The following UBE3B variants were observed in gnomAD, a reference collection of about 807,000 sequenced individuals.
UBE3B encodes ubiquitin-protein ligase E3B.
UBE3B carries 80 observed loss-of-function variants against 132.3 expected under a neutral mutation model. The observed-to-expected ratio is 0.60, with a 90% confidence interval of 0.50 to 0.73. UBE3B has a LOEUF of 0.73. UBE3B is among the 30% of genes least tolerant of loss of function. UBE3B has a pLI of 0.00. For synonymous variants in UBE3B, 487 were observed against 520.4 expected, an observed-to-expected ratio of 0.94 and a Z score of 0.87; for missense variants, 1,196 against 1,362.5, an observed-to-expected ratio of 0.88 and a Z score of 1.92.
At chr12:109,544,491 C>T in the UBE3B span, among the ~76,000 whole-genome samples, 27 of 152,198 alleles carry the variant, frequency 1.8e-4, no homozygotes, top group African/African-American at 6.5e-4. Flanking sequence ...GCCAAATCAA[C>T]TGTCAAAACC....
chr12:109,487,087 C>T (rs771201416), intron 6 of UBE3B, among the ~76,000 whole-genome samples: 1 of 152,092 alleles, frequency 6.6e-6, no homozygotes, highest in South Asian at 2.1e-4. Context: ...ATCATGGCAA[C>T]GAGCAGTTTT....
rs187552571 is a variant in UBE3B at position 109,524,040 on chromosome 12, C to T, written c.2427C>T (p.His809=). The T allele has an allele frequency of 6.2e-7, 1 of 1,614,222 alleles. No individual in the cohort carries two copies. The highest frequency in any genetic ancestry group is 2.2e-5 in the East Asian group (1 of 44,878). The change falls in exon 22 of 28, where the codon CAC becomes CAT. Residue 809 remains histidine (H), a synonymous_variant. Coordinates refer to ENST00000342494, the MANE Select transcript of UBE3B (RefSeq NM_130466.4). ...TGAGCCAACTGCTTGGGCACCACCA[C>T]AGCGTCTTCTATAGCTCGGTGGATG... ...FFLSQLLGHH[H]SVFYSSVDEL...
chr12:109,508,531 G>T (rs1274644843), intron 15 of UBE3B: 22 of 985,340 alleles, frequency 2.2e-5, no homozygotes, highest in Non-Finnish European at 2.4e-5. Flanking sequence ...TTCCCAAAAG[G>T]TTGGTGAAGA....
At chr12:109,504,292 TCA>T (rs1879373726) in intron 14 of UBE3B, among the ~76,000 whole-genome samples, 1 of 152,340 alleles carries the variant, frequency 6.6e-6, no homozygotes, top group Admixed American at 6.5e-5. Context: ...AAACATATCT[TCA>T]AATTTGGCAT....
At chr12:109,543,745 A>G in the UBE3B span, among the ~76,000 whole-genome samples, 447 of 152,296 alleles carry the variant, frequency 2.9e-3, 20 homozygotes, top group East Asian at 0.055. Flanking sequence ...AGGCAGGAGA[A>G]TCACTTGAAC....
downstream of UBE3B, among the ~76,000 whole-genome samples, chr12:109,537,628 C>T (rs1412575318): frequency 6.6e-6 from 1 of 152,220 alleles, no homozygotes; most frequent in African/African-American, 2.4e-5. Context: ...CCTGCCTCCC[C>T]AAAACACACA....
intron 18 of UBE3B, among the ~76,000 whole-genome samples, chr12:109,515,616 G>A (rs1880941700): frequency 6.6e-6 from 1 of 152,148 alleles, no homozygotes. Context: ...TGATCCACCT[G>A]CCTCGGCCTC....
At chr12:109,489,136 C>T (rs1876992241) in intron 7 of UBE3B, among the ~76,000 whole-genome samples, 1 of 152,228 alleles carries the variant, frequency 6.6e-6, no homozygotes, top group Non-Finnish European at 1.5e-5. Flanking sequence ...CCAGATGCCT[C>T]TAGGCGCTGA....
Position 109,503,034 on chromosome 12 carries a change from C to CCAG in UBE3B, c.1294_1295insCAG (p.Arg432delinsProGly). 3 of 1,614,124 alleles carry CCAG rather than the reference C, an allele frequency of 1.9e-6. No individual in the cohort carries two copies. Among genetic ancestry groups the CCAG allele is most frequent in the Non-Finnish European group, 2.5e-6 (3 of 1,180,010 alleles). On this transcript the variant is annotated protein_altering_variant, in exon 14 of 28. Transcript: ENST00000342494. ...TTTCTCCATGCCAGGTCTCCTAAAG[C>CCAG]GTGCTTTTCAAAAGTCGGCATCAGT...
intron 21 of UBE3B, among the ~76,000 whole-genome samples, chr12:109,523,247 C>T (rs1210537765): frequency 2.0e-5 from 3 of 152,344 alleles, no homozygotes; most frequent in Admixed American, 6.5e-5. Context: ...CACAGTCTGT[C>T]GGCGTTTTCC....
At chr12:109,544,045 G>C in the UBE3B span, among the ~76,000 whole-genome samples, 1 of 152,160 alleles carries the variant, frequency 6.6e-6, no homozygotes, top group Admixed American at 6.5e-5. Context: ...TCAGACTGCA[G>C]GGTGTGTTTG....
At chr12:109,480,888 C>G (rs970821695) in intron 1 of UBE3B, among the ~76,000 whole-genome samples, 3 of 152,148 alleles carry the variant, frequency 2.0e-5, no homozygotes, top group Non-Finnish European at 4.4e-5. Flanking sequence ...AGTTTTGTAT[C>G]TGTGTGTGTG....
chr12:109,486,556 A>C lies in UBE3B; in HGVS notation c.428A>C (p.Asp143Ala). The change falls in exon 6 of 28, where the codon GAT becomes GCT. Residue 143 changes from aspartate (D) to alanine (A), a missense_variant. Coordinates refer to ENST00000342494, the MANE Select transcript of UBE3B (RefSeq NM_130466.4). ...QIKNILWYCCDFLKQLKPEIL... is the reference protein window; with the variant it reads ...QIKNILWYCCAFLKQLKPEIL... ...AAGAACATTTTGTGGTACTGCTGTGATTTTCTCAAGCAGCTCAAGGTAACA... is the reference window on the plus strand; with the variant it reads ...AAGAACATTTTGTGGTACTGCTGTGCTTTTCTCAAGCAGCTCAAGGTAACA... 1 of 839,786 alleles carries C rather than the reference A, an allele frequency of 1.2e-6. No homozygotes were observed. The highest frequency in any genetic ancestry group is 1.8e-6 in the Non-Finnish European group (1 of 543,146). 52.0% of individuals were successfully genotyped at this position (839,786 alleles called of 1,614,324 possible). A position where few individuals can be genotyped will look rare whatever the true frequency, so the allele number is the denominator to read the frequency against.
chr12:109,542,637 AAGAG>A, the UBE3B span, among the ~76,000 whole-genome samples: 1 of 152,170 alleles, frequency 6.6e-6, no homozygotes, highest in Non-Finnish European at 1.5e-5. Context: ...TCCTTACAGA[AAGAG>A]AGGACTCGGC....
intron 19 of UBE3B, among the ~76,000 whole-genome samples, chr12:109,518,623 C>T (rs1881344026): frequency 6.6e-6 from 1 of 152,210 alleles, no homozygotes; most frequent in Non-Finnish European, 1.5e-5. Context: ...GTGGCCAGCA[C>T]CCACCCATGG....
intron 12 of UBE3B, 137 bp downstream of exon 12, chr12:109,499,947 G>A: frequency 1.3e-6 from 1 of 764,060 alleles, no homozygotes; most frequent in African/African-American, 1.8e-5. Flanking sequence ...TTAATAAATT[G>A]TGAGTAAGAA....
At chr12:109,484,746 AAT>A (rs1466458089) in intron 4 of UBE3B, among the ~76,000 whole-genome samples, 1 of 146,776 alleles carries the variant, frequency 6.8e-6, no homozygotes, top group Non-Finnish European at 1.5e-5. Flanking sequence ...TTTTATGCTC[AAT>A]GTTCGTTCAT....
Position 109,534,449 on chromosome 12 carries a change from A to G in UBE3B, c.3016-142A>G. ...TTGTGTCTGGGGCTTGACCTCGGGT[A>G]GTGGTGCCAGGGCAGCGCCCTGCAC... On this transcript the variant is annotated intron_variant, in intron 27 of 27. Transcript: ENST00000342494. This position sits in a 1 kb window ranked among gnomAD's most constrained non-coding sequence, Gnocchi z 5.2. 3 of 1,434,846 alleles carry G rather than the reference A, an allele frequency of 2.1e-6. No homozygotes were observed. In the South Asian group the frequency reaches 4.6e-5, roughly 22 times the overall value. The allele number at this position is 1,434,846 out of a possible 1,614,324, so 88.9% of individuals were successfully genotyped here.
intron 18 of UBE3B, among the ~76,000 whole-genome samples, chr12:109,515,426 A>G (rs1185904251): frequency 4.6e-5 from 7 of 151,378 alleles, no homozygotes; most frequent in African/African-American, 1.7e-4. Context: ...CTGGAGTGTG[A>G]TGGTACGATC....
Sources: gnomAD v4.1 joint callset for allele counts (sites outside exome capture counted in the v4.1 genomes callset) on GRCh38, gnomAD v4.1.1 for gene constraint, Gnocchi (gnomAD v3.1) non-coding constraint, MANE v1.5 for transcripts, NCBI Gene and HGNC (gene_info 2026-07-23, HGNC 2026-07-21) for gene names.